Variants in SLC35F3 observed in about 807,000 individuals in gnomAD.
SLC35F3 encodes solute carrier family 35 member F3, also known as putative thiamine transporter SLC35F3.
Under a neutral mutation model 49.9 loss-of-function variants are expected in SLC35F3, and 25 were observed. That is an observed-to-expected ratio of 0.50 (90% CI 0.37 to 0.70). SLC35F3 has a LOEUF of 0.70. Ranked by LOEUF, SLC35F3 falls within the 30% of genes least tolerant of loss-of-function variation. SLC35F3 has a pLI of 0.00. For missense variants in SLC35F3, 525 were observed against 639.8 expected, an observed-to-expected ratio of 0.82 and a Z score of 1.94; for synonymous variants, 275 against 265.4, an observed-to-expected ratio of 1.04 and a Z score of -0.35.
intron 2 of SLC35F3, among the ~76,000 whole-genome samples, chr1:234,221,794 A>G (rs1667210072): frequency 6.6e-6 from 1 of 152,300 alleles, no homozygotes; most frequent in East Asian, 1.9e-4. Context: ...TATATTGGAC[A>G]TGTCGCCTGG....
chr1:234,244,108 G>A (rs11577846), intron 3 of SLC35F3, among the ~76,000 whole-genome samples: 14,973 of 152,230 alleles, frequency 0.098, 1,002 homozygotes, highest in Non-Finnish European at 0.15. Flanking sequence ...ACATTGATTA[G>A]TATGATCTCC....
At chr1:233,956,064 G>A (rs778412115) in intron 2 of SLC35F3, among the ~76,000 whole-genome samples, 2 of 151,314 alleles carry the variant, frequency 1.3e-5, no homozygotes, top group Non-Finnish European at 2.9e-5. Flanking sequence ...ATTTTTGTAT[G>A]TTTAGTGAAG....
chr1:234,136,302 T>A (rs1231960854), intron 2 of SLC35F3, among the ~76,000 whole-genome samples: 1 of 151,400 alleles, frequency 6.6e-6, no homozygotes. Context: ...TTTTTCTTTC[T>A]CCTTTCTCTC....
intron 2 of SLC35F3, among the ~76,000 whole-genome samples, chr1:234,196,229 C>T (rs1030389334): frequency 3.9e-5 from 6 of 152,300 alleles, no homozygotes; most frequent in Middle Eastern, 3.4e-3. Context: ...AACCTCATGA[C>T]CCAGAAGTTA....
intron 2 of SLC35F3, among the ~76,000 whole-genome samples, chr1:234,181,338 G>GAAAAAAAA (rs34757532): frequency 6.8e-4 from 66 of 97,212 alleles, no homozygotes; most frequent in East Asian, 9.8e-4. Context: ...TCTGTCTCAA[G>GAAAAAAAA]AAAAAAAAAA....
chr1:233,972,850 T>A (rs893454735), intron 2 of SLC35F3, among the ~76,000 whole-genome samples: 2 of 152,254 alleles, frequency 1.3e-5, no homozygotes, highest in African/African-American at 4.8e-5. Context: ...AAATGTAAGA[T>A]TCAGGCATTG....
rs533845980 is a variant in SLC35F3 at position 234,196,627 on chromosome 1, G to T, written c.284-34790G>T. Among the ~76,000 whole-genome samples the T allele has an allele frequency of 4.9e-4, 75 of 152,360 alleles. 1 individual carries two copies. The highest frequency in any genetic ancestry group is 1.8e-3 in the African/African-American group (75 of 41,584). The stretch of plus-strand genomic sequence containing the variant: ...AGGGCAGATTCTGGAAATGTTGTCT[G>T]TATTGCTGTATCCTGTCAAAGACAA... On this transcript the variant is annotated intron_variant, in intron 2 of 7. Transcript: ENST00000366618.
chr1:234,191,641 C>T (rs963324134), intron 2 of SLC35F3, among the ~76,000 whole-genome samples: 25 of 151,158 alleles, frequency 1.7e-4, no homozygotes, highest in Admixed American at 6.6e-4. Context: ...AAAAAAAATA[C>T]GAAAGACAAA....
intron 2 of SLC35F3, among the ~76,000 whole-genome samples, chr1:234,228,539 C>G (rs10910389): frequency 2.0e-5 from 3 of 152,114 alleles, no homozygotes; most frequent in African/African-American, 7.2e-5. Context: ...CAGTGATTTC[C>G]TGTCTGATTG....
At position 233,905,565 on chromosome 1, in the gene SLC35F3, A is replaced by G; in HGVS notation, c.90A>G (p.Arg30=). Residue 30 remains arginine, a synonymous_variant, in exon 2 of 8, where the codon AGA becomes AGG. Transcript: ENST00000366618. Reference sequence around the variant, plus strand: ...GGTCACCGGACGTCAGCCCCCGGAGACTGTCCGACATCAGCCCCCAGCTCC... The same window carrying G: ...GGTCACCGGACGTCAGCCCCCGGAGGCTGTCCGACATCAGCCCCCAGCTCC... ...MRRSPDVSPR[R]LSDISPQLRQ... 6.2e-7 allele frequency: 1 copy of G among 1,613,994 alleles called. No homozygotes were observed. Among genetic ancestry groups the G allele is most frequent in the Non-Finnish European group, 8.5e-7 (1 of 1,179,992 alleles).
chr1:234,254,376 G>A (rs1211659714), intron 3 of SLC35F3, among the ~76,000 whole-genome samples: 1 of 152,146 alleles, frequency 6.6e-6, no homozygotes, highest in East Asian at 1.9e-4. Flanking sequence ...TCTTTCCAGA[G>A]GTCACCAATG....
rs1661748033 is a variant in SLC35F3, at chr1:233,905,050, A to G, written c.-28A>G. Reference sequence around the variant, plus strand: ...GCGGCCCCTCCGCCTCAAGTCTGGGAGCTGCCGGTCCCACTCTGTCTTTGC... The same window carrying G: ...GCGGCCCCTCCGCCTCAAGTCTGGGGGCTGCCGGTCCCACTCTGTCTTTGC... On this transcript the variant is annotated 5_prime_UTR_variant, in exon 1 of 8. Coordinates refer to ENST00000366618, the MANE Select transcript of SLC35F3 (RefSeq NM_173508.4). The G allele has an allele frequency of 3.2e-6, 5 of 1,551,566 alleles. No individual in the cohort carries two copies. Among genetic ancestry groups the G allele is most frequent in the Non-Finnish European group, 3.5e-6 (4 of 1,147,084 alleles).
intron 2 of SLC35F3, among the ~76,000 whole-genome samples, chr1:233,960,551 G>T (rs1207015968): frequency 6.6e-6 from 1 of 152,174 alleles, no homozygotes; most frequent in Non-Finnish European, 1.5e-5. Flanking sequence ...GATGCCCACT[G>T]TGAAAGGAGC....
chr1:234,228,909 G>A (rs1393350944), intron 2 of SLC35F3, among the ~76,000 whole-genome samples: 2 of 152,160 alleles, frequency 1.3e-5, no homozygotes, highest in African/African-American at 2.4e-5. Context: ...TATATGAGGT[G>A]TGACGTGTTT....
intron 3 of SLC35F3, among the ~76,000 whole-genome samples, chr1:234,262,694 G>T (rs16842844): frequency 0.027 from 4,129 of 152,296 alleles, 207 homozygotes; most frequent in African/African-American, 0.095. Flanking sequence ...TAAGCTGCAA[G>T]CTGCAACAGC....
intron 2 of SLC35F3, among the ~76,000 whole-genome samples, chr1:234,062,521 A>G (rs1241294159): frequency 6.6e-6 from 1 of 152,110 alleles, no homozygotes; most frequent in Non-Finnish European, 1.5e-5. Context: ...TCTCTGACAA[A>G]CTAGTAAGCC....
chr1:234,283,833 A>C (rs1668367105), intron 3 of SLC35F3, among the ~76,000 whole-genome samples: 1 of 152,248 alleles, frequency 6.6e-6, no homozygotes, highest in African/African-American at 2.4e-5. Context: ...TAATTATCAT[A>C]GTAAAGAGCA....
chr1:234,206,348 A>T (rs1371647118), intron 2 of SLC35F3, among the ~76,000 whole-genome samples: 1 of 151,660 alleles, frequency 6.6e-6, no homozygotes, highest in East Asian at 2.0e-4. Flanking sequence ...AAAAGAAACC[A>T]GCGGGGGATG....
At chr1:234,133,536 C>T (rs1368472353) in intron 2 of SLC35F3, among the ~76,000 whole-genome samples, 2 of 152,292 alleles carry the variant, frequency 1.3e-5, no homozygotes, top group South Asian at 4.1e-4. Context: ...GGGGTTAGTG[C>T]TGGCATCACC....
Sources: allele counts gnomAD v4.1 joint callset (sites outside exome capture counted in the v4.1 genomes callset), GRCh38; gene constraint gnomAD v4.1.1; transcripts MANE v1.5; gene names NCBI Gene and HGNC (gene_info 2026-07-23, HGNC 2026-07-21).